The following ADARB2 variants were observed in gnomAD, a reference collection of about 807,000 sequenced individuals.
ADARB2 encodes the protein adenosine deaminase RNA specific B2 (inactive), also known as inactive double-stranded RNA-specific editase B2.
A neutral mutation model predicts 62.2 loss-of-function variants in ADARB2; 25 were observed. The ratio of observed to expected loss-of-function variants is 0.40; its 90% CI spans 0.29 to 0.56. The LOEUF is 0.56. Ranked by LOEUF, ADARB2 falls within the 20% of genes least tolerant of loss-of-function variation. ADARB2 has a pLI of 0.43. For missense variants in ADARB2, 1,071 were observed against 1,077.4 expected (o/e 0.99, Z 0.08); for synonymous variants, 572 against 500.8 (o/e 1.14, Z -1.90).
chr10:1,550,888 A>G (rs1832611737), intron 1 of ADARB2, among the ~76,000 whole-genome samples: 1 of 152,064 alleles, frequency 6.6e-6, no homozygotes. Flanking sequence ...GTGCCGCAAC[A>G]GGAAGAATGG....
chr10:1,668,178 G>C (rs1170310982), intron 1 of ADARB2, among the ~76,000 whole-genome samples: 1 of 152,222 alleles, frequency 6.6e-6, no homozygotes, highest in Non-Finnish European at 1.5e-5. Context: ...CTGGCCGCTG[G>C]TGCATTTGGA....
chr10:1,452,628 A>G (rs1192124674), intron 1 of ADARB2, among the ~76,000 whole-genome samples: 4 of 118,488 alleles, frequency 3.4e-5, no homozygotes, highest in Admixed American at 1.9e-4. Context: ...GGGGGGGGGA[A>G]TATCACACAC....
intron 7 of ADARB2, among the ~76,000 whole-genome samples, chr10:1,207,481 C>T (rs2131746674): frequency 6.6e-6 from 1 of 152,214 alleles, no homozygotes; most frequent in East Asian, 1.9e-4. Context: ...GAACATCACT[C>T]ATTTGACCTC....
intron 1 of ADARB2, among the ~76,000 whole-genome samples, chr10:1,702,188 C>T (rs928385176): frequency 1.3e-5 from 2 of 152,200 alleles, no homozygotes; most frequent in Non-Finnish European, 2.9e-5. Flanking sequence ...ATTGTTCATC[C>T]ACCTTCAAAT....
At chr10:1,663,689 G>A (rs1262839728) in intron 1 of ADARB2, among the ~76,000 whole-genome samples, 5 of 151,352 alleles carry the variant, frequency 3.3e-5, no homozygotes, top group African/African-American at 1.2e-4. Flanking sequence ...ACGTGATCTC[G>A]GCTCACTGCA....
intron 1 of ADARB2, among the ~76,000 whole-genome samples, chr10:1,432,073 T>C (rs1437717931): frequency 6.6e-6 from 1 of 152,186 alleles, no homozygotes; most frequent in African/African-American, 2.4e-5. Flanking sequence ...TTCATTATAA[T>C]ATATTAATAT....
At chr10:1,703,800 T>C (rs1417378915) in intron 1 of ADARB2, among the ~76,000 whole-genome samples, 1 of 152,140 alleles carries the variant, frequency 6.6e-6, no homozygotes, top group South Asian at 2.1e-4. Flanking sequence ...CATTTGGCCA[T>C]ATTAAGTCCA....
At chr10:1,696,998 C>T (rs1483046535) in intron 1 of ADARB2, among the ~76,000 whole-genome samples, 1 of 151,672 alleles carries the variant, frequency 6.6e-6, no homozygotes, top group African/African-American at 2.4e-5. Context: ...TATTAGCTAT[C>T]GTTAATGTTA....
chr10:1,560,196 C>A (rs571009247), intron 1 of ADARB2, among the ~76,000 whole-genome samples: 3 of 152,164 alleles, frequency 2.0e-5, no homozygotes, highest in African/African-American at 4.8e-5. Context: ...TCTGGACCCC[C>A]CAACTGAAGC....
At chr10:1,241,391 C>T (rs1362152726) in intron 5 of ADARB2, among the ~76,000 whole-genome samples, 2 of 152,176 alleles carry the variant, frequency 1.3e-5, no homozygotes, top group African/African-American at 2.4e-5. Context: ...TTGCCAAAGC[C>T]CCCCAAGGTC....
intron 4 of ADARB2, among the ~76,000 whole-genome samples, chr10:1,269,859 C>T (rs1831243180): frequency 6.6e-6 from 1 of 152,114 alleles, no homozygotes; most frequent in South Asian, 2.1e-4. Flanking sequence ...TCTTAGCCCT[C>T]AATTTAGAAC....
rs894883736 is a variant in ADARB2, at chr10:1,300,937, G to T, written c.1078-29868C>A. ...GTAAGATGCTGCTGTGATTGTCAGG[G>T]TTGTGACATGCTTCTGGGATCAGTG... is the stretch of plus-strand genomic sequence containing the variant. On this transcript the variant is annotated intron_variant, in intron 3 of 9. Transcript: ENST00000381312. 2.0e-5 allele frequency among the ~76,000 whole-genome samples: 3 copies of T among 152,318 alleles called. No homozygotes were observed. In the South Asian group the frequency reaches 6.2e-4, roughly 32 times the overall value.
At chr10:1,650,039 C>T (rs1277241126) in intron 1 of ADARB2, among the ~76,000 whole-genome samples, 1 of 152,172 alleles carries the variant, frequency 6.6e-6, no homozygotes, top group African/African-American at 2.4e-5. Context: ...GAAGGTCTTC[C>T]CAAGGTGAAA....
chr10:1,217,662 T>C (rs1830644192), intron 6 of ADARB2, among the ~76,000 whole-genome samples: 1 of 152,244 alleles, frequency 6.6e-6, no homozygotes, highest in Non-Finnish European at 1.5e-5. Context: ...GTAAGCTGGC[T>C]GTGTAACCTT....
intron 7 of ADARB2, among the ~76,000 whole-genome samples, chr10:1,204,420 C>G (rs574060431): frequency 6.6e-6 from 1 of 152,360 alleles, no homozygotes; most frequent in East Asian, 1.9e-4. Context: ...GGGAAATCAC[C>G]TGAGTGCGTC....
At chr10:1,396,287 ATCCCTG>A (rs1012119691) in intron 1 of ADARB2, among the ~76,000 whole-genome samples, 25 of 151,876 alleles carry the variant, frequency 1.6e-4, no homozygotes, top group African/African-American at 5.8e-4. Flanking sequence ...TGAACTTCCC[ATCCCTG>A]TCCCCACCCC....
chr10:1,395,455 C>A (rs543148469), intron 1 of ADARB2, among the ~76,000 whole-genome samples: 17 of 152,186 alleles, frequency 1.1e-4, no homozygotes, highest in Non-Finnish European at 2.2e-4. Context: ...CCTTCCTGCC[C>A]TCCTCTAACT....
chr10:1,717,374 G>A (rs1434050821), intron 1 of ADARB2, among the ~76,000 whole-genome samples: 5 of 151,588 alleles, frequency 3.3e-5, no homozygotes, highest in Non-Finnish European at 7.4e-5. Flanking sequence ...TGACAGAGCC[G>A]CAGGTCTGAA....
chr10:1,525,927 C>A (rs1050937780), intron 1 of ADARB2, among the ~76,000 whole-genome samples: 3 of 151,482 alleles, frequency 2.0e-5, no homozygotes, highest in Admixed American at 1.3e-4. Context: ...GCACGTGTGT[C>A]TGTGTGTGAG....
Sources: allele counts gnomAD v4.1 joint callset (sites outside exome capture counted in the v4.1 genomes callset), GRCh38; gene constraint gnomAD v4.1.1; transcripts MANE v1.5; gene names NCBI Gene and HGNC (gene_info 2026-07-23, HGNC 2026-07-21).